Variants in TBXT observed in about 807,000 individuals in gnomAD.
TBXT encodes T-box transcription factor T.
Under a neutral mutation model 41.1 loss-of-function variants are expected in TBXT, and 19 were observed. The ratio of observed to expected loss-of-function variants is 0.46; its 90% CI spans 0.32 to 0.68. TBXT has a LOEUF of 0.68. TBXT is among the 30% of genes least tolerant of loss of function. The pLI, the probability that TBXT is intolerant of heterozygous loss-of-function variation, is 0.03. For missense variants in TBXT, 536 were observed against 582.0 expected (o/e 0.92, Z 0.81); for synonymous variants, 213 against 238.9 (o/e 0.89, Z 1.00).
At chr6:166,164,453 C>T in intron 5 of TBXT, 152 bp downstream of exon 5, 2 of 898,434 alleles carry the variant, frequency 2.2e-6, no homozygotes, top group Non-Finnish European at 3.7e-6. Flanking sequence ...GCTTCAACAT[C>T]ACAGGGCCAA....
At chr6:166,167,885 G>A, upstream of TBXT, 1 of 504,504 alleles carries the variant, frequency 2.0e-6, no homozygotes, top group South Asian at 2.1e-5. Context: ...CCCATAAATA[G>A]AGCCGCGGCG....
rs977097877 is a variant in TBXT, at chr6:166,167,810, A to C, written c.-219T>G. ...GGGGGCAGAGGGGTGGGGAGAAGTTATTCCACTTGAACTCCCCAAGGCTCT... is the reference window on the plus strand; with the variant it reads ...GGGGGCAGAGGGGTGGGGAGAAGTTCTTCCACTTGAACTCCCCAAGGCTCT... On this transcript the variant is annotated 5_prime_UTR_variant, in exon 1 of 8. Coordinates refer to ENST00000366876, the MANE Select transcript of TBXT (RefSeq NM_001366285.2). The C allele has an allele frequency of 5.9e-5, 36 of 614,938 alleles. No homozygotes were observed. In the African/African-American group the frequency reaches 6.5e-4, roughly 11 times the overall value. The allele number at this position is 614,938 out of a possible 1,614,324, so 38.1% of individuals were successfully genotyped here.
Position 166,158,363 on chromosome 6 carries a change from T to C in TBXT, c.1263A>G (p.Gln421=). Residue 421 remains glutamine (Q), a synonymous_variant, in exon 8 of 8, where the codon CAA becomes CAG. Coordinates refer to ENST00000366876, the MANE Select transcript of TBXT (RefSeq NM_001366285.2). ...GTGTCCATGAGGCTATGAGGCGGCC[T>C]TGGGCTGCGGCGTCGTACTGGCTGT... The part of the protein sequence containing the change: ...IVDSQYDAAA[Q]GRLIASWTPV... The C allele has an allele frequency of 1.2e-6, 2 of 1,614,216 alleles. No individual in the cohort carries two copies. Among genetic ancestry groups the C allele is most frequent in the Non-Finnish European group, 1.7e-6 (2 of 1,180,040 alleles).
At chr6:166,163,813 T>A (rs1427867082) in intron 5 of TBXT, among the ~76,000 whole-genome samples, 1 of 152,246 alleles carries the variant, frequency 6.6e-6, no homozygotes, top group Non-Finnish European at 1.5e-5. Context: ...GGTGCAGACG[T>A]GCCCTGGCTG....
rs934755861 is a variant in TBXT at position 166,166,959 on chromosome 6, G to T, written c.207-103C>A. ...CTCAGTTATTTCGGGGCACAGAGGA[G>T]CCCCCTGGGGAACGTCCGAGGGTGA... On this transcript the variant is annotated intron_variant, in intron 1 of 7. Transcript: ENST00000366876. 5.7e-6 allele frequency: 9 copies of T among 1,582,450 alleles called. No homozygotes were observed. The African/African-American group carries it at 1.2e-4, about 21-fold the overall frequency.
In TBXT at chr6:166,165,747, C is replaced by T; in HGVS notation, c.565G>A (p.Glu189Lys). Residue 189 changes from glutamate to lysine, a missense_variant, in exon 3 of 8, where the codon GAG (glutamate) becomes AAG (lysine). Glu to Lys is a moderately conservative substitution (Grantham distance 56). Coordinates refer to ENST00000366876, the MANE Select transcript of TBXT (RefSeq NM_001366285.2). ...GCAGTCACCGCTATGAACTGGGTCT[C>T]AGGGAAGCAGTGGCTGGTGATCATG... ...QRMITSHCFP[E>K]TQFIAVTAYQ... is the part of the protein sequence containing the mutation. The T allele has an allele frequency of 6.2e-7, 1 of 1,614,200 alleles. No individual in the cohort carries two copies. Among genetic ancestry groups the T allele is most frequent in the Non-Finnish European group, 8.5e-7 (1 of 1,180,042 alleles).
At chr6:166,167,872 C>T (rs1011944058), upstream of TBXT, 16 of 525,138 alleles carry the variant, frequency 3.0e-5, no homozygotes, top group Non-Finnish European at 5.1e-5. Context: ...ATTCAGTGCC[C>T]TCCCCATAAA....
At chr6:166,163,478 G>A (rs1250139330) in intron 5 of TBXT, among the ~76,000 whole-genome samples, 1 of 152,158 alleles carries the variant, frequency 6.6e-6, no homozygotes, top group Admixed American at 6.5e-5. Context: ...CCGCCTCTCA[G>A]GTTCAAGGGA....
Position 166,160,919 on chromosome 6 carries a change from C to A in TBXT, c.955G>T (p.Asp319Tyr). 6.2e-7 allele frequency: 1 copy of A among 1,614,082 alleles called. No homozygotes were observed. The highest frequency in any genetic ancestry group is 1.1e-5 in the South Asian group (1 of 91,078). ...GGCATTCCAAGGCTGGACCAATTGTCATGGGATTGCAGCATGGATAAACAT... is the reference window on the plus strand; with the variant it reads ...GGCATTCCAAGGCTGGACCAATTGTAATGGGATTGCAGCATGGATAAACAT... ...PACLSMLQSH[D>Y]NWSSLGMPAH... The change falls in exon 7 of 8, where the codon GAC (aspartate) becomes TAC (tyrosine). Residue 319 changes from aspartate to tyrosine, a missense_variant. By Grantham distance (160) the Asp-to-Tyr change is radical. Coordinates refer to ENST00000366876, the MANE Select transcript of TBXT (RefSeq NM_001366285.2).
chr6:166,162,392 A>G, intron 6 of TBXT, 55 bp downstream of exon 6: 1 of 1,601,888 alleles, frequency 6.2e-7, no homozygotes, highest in South Asian at 1.1e-5. Context: ...TGCCTTTCCC[A>G]AAGTGGTCTT....
upstream of TBXT, chr6:166,167,995 G>T (rs1779189669): frequency 3.7e-6 from 1 of 268,368 alleles, no homozygotes; most frequent in Non-Finnish European, 7.2e-6. Flanking sequence ...AGCCGGGCGG[G>T]TCTGGGAGGC....
At chr6:166,165,621 G>C (rs537288968) in intron 3 of TBXT, 85 bp downstream of exon 3, 3 of 1,606,336 alleles carry the variant, frequency 1.9e-6, no homozygotes, top group Admixed American at 3.3e-5. Context: ...GGGTTAGCGC[G>C]TCTCCCCGCT....
chr6:166,163,868 A>G (rs1779032479), intron 5 of TBXT, among the ~76,000 whole-genome samples: 1 of 152,228 alleles, frequency 6.6e-6, no homozygotes, highest in Non-Finnish European at 1.5e-5. Context: ...TACTCAAGTG[A>G]CTGCCTTTCT....
chr6:166,165,845 G>A lies in TBXT; in HGVS notation c.472-5C>T. ...ATGCAAGGAGTTCAGCATGATCTGA[G>A]GGAGACAGATACAGGATTGGTGGCA... is the stretch of plus-strand genomic sequence containing the variant. On this transcript the variant is annotated splice_region_variant and splice_polypyrimidine_tract_variant and intron_variant, in intron 2 of 7. Transcript: ENST00000366876. 6.2e-7 allele frequency: 1 copy of A among 1,614,098 alleles called. No individual in the cohort carries two copies. Among genetic ancestry groups the A allele is most frequent in the Non-Finnish European group, 8.5e-7 (1 of 1,179,992 alleles).
chr6:166,162,284 T>G (rs1002648287), intron 6 of TBXT, among the ~76,000 whole-genome samples, 163 bp downstream of exon 6: 1 of 152,194 alleles, frequency 6.6e-6, no homozygotes, highest in African/African-American at 2.4e-5. Flanking sequence ...GGCGGAGACA[T>G]AAATTGAAGA....
Position 166,158,615 on chromosome 6 carries a change from G to A in TBXT, c.1038-27C>T, listed in dbSNP as rs757009377. The A allele has an allele frequency of 3.4e-6, 5 of 1,476,246 alleles. No homozygotes were observed. In the East Asian group the frequency reaches 1.2e-4, roughly 36 times the overall value. 91.4% of individuals were successfully genotyped at this position (1,476,246 alleles called of 1,614,324 possible). On this transcript the variant is annotated intron_variant, in intron 7 of 7. Coordinates refer to ENST00000366876, the MANE Select transcript of TBXT (RefSeq NM_001366285.2). ...TGCAACAGAAAGACACCAGTGAGCAGGGCCTGGGCAGGGGCTGCAGGCCAG... is the reference window on the plus strand; with the variant it reads ...TGCAACAGAAAGACACCAGTGAGCAAGGCCTGGGCAGGGGCTGCAGGCCAG...
intron 1 of TBXT, among the ~76,000 whole-genome samples, chr6:166,167,151 G>T (rs1779142814): frequency 6.6e-6 from 1 of 152,252 alleles, no homozygotes; most frequent in Non-Finnish European, 1.5e-5. Flanking sequence ...CGGGTCCCGG[G>T]ATGCCTCCGA....
Position 166,167,602 on chromosome 6 carries a change from G to T in TBXT, c.-11C>A, listed in dbSNP as rs1198430776. On this transcript the variant is annotated 5_prime_UTR_variant, in exon 1 of 8. Coordinates refer to ENST00000366876, the MANE Select transcript of TBXT (RefSeq NM_001366285.2). ...GCCAGGGGAGCTCATCCTCCCGTCC[G>T]GCTCCCCTCCCCGCCGTCCCCGAAG... is the stretch of plus-strand genomic sequence containing the variant. The T allele has an allele frequency of 3.2e-6, 5 of 1,546,710 alleles. No individual in the cohort carries two copies. The highest frequency in any genetic ancestry group is 4.3e-6 in the Non-Finnish European group (5 of 1,151,752).
In TBXT at chr6:166,158,432, T is replaced by G; in HGVS notation, c.1194A>C (p.Gly398=). ...CGGCCGCCCCTTCGTACAGTGGGGA[T>G]CCCGAGGAAGAGGGCGCCGAGACCG... ...THPVSAPSSS[G]SPLYEGAAAA... Residue 398 remains glycine (G), a synonymous_variant, in exon 8 of 8, where the codon GGA becomes GGC. Transcript: ENST00000366876. 6.2e-7 allele frequency: 1 copy of G among 1,614,002 alleles called. No homozygotes were observed. Among genetic ancestry groups the G allele is most frequent in the East Asian group, 2.2e-5 (1 of 44,882 alleles).
Sources: gnomAD v4.1 joint callset for allele counts (sites outside exome capture counted in the v4.1 genomes callset) on GRCh38, gnomAD v4.1.1 for gene constraint, MANE v1.5 for transcripts, NCBI Gene and HGNC (gene_info 2026-07-23, HGNC 2026-07-21) for gene names.